STXBP5L: variants seen among roughly 807,000 people sequenced by gnomAD.
The protein encoded by STXBP5L is syntaxin-binding protein 5-like.
STXBP5L carries 65 observed loss-of-function variants against 144.5 expected under a neutral mutation model. That is an observed-to-expected ratio of 0.45 (90% confidence interval 0.37 to 0.55). STXBP5L has a LOEUF of 0.55. Among genes scored for constraint, STXBP5L ranks in the 20% least tolerant of loss-of-function variants. The probability of loss-of-function intolerance (pLI) is 0.00; values close to 1 mark genes in which losing one functional copy is unlikely to be tolerated. For missense variants in STXBP5L, 1,298 were observed against 1,405.5 expected (o/e 0.92, Z 1.22); for synonymous variants, 505 against 469.6 (o/e 1.08, Z -0.97).
chr3:121,034,441 G>A (rs1185748431), intron 3 of STXBP5L, among the ~76,000 whole-genome samples: 3 of 152,034 alleles, frequency 2.0e-5, no homozygotes, highest in South Asian at 2.1e-4. Context: ...TTCCATTTAT[G>A]TTGCTGCAAA....
At chr3:120,930,322 C>G (rs945838047) in intron 2 of STXBP5L, among the ~76,000 whole-genome samples, 2 of 151,722 alleles carry the variant, frequency 1.3e-5, no homozygotes, top group African/African-American at 4.8e-5. Flanking sequence ...GTTATTTAAT[C>G]ATAGTCCTAT....
intron 20 of STXBP5L, among the ~76,000 whole-genome samples, chr3:121,345,962 T>C (rs907333680): frequency 6.6e-6 from 1 of 152,032 alleles, no homozygotes; most frequent in African/African-American, 2.4e-5. Flanking sequence ...TTTTATTTTA[T>C]TATTATTATA....
chr3:121,063,357 C>T (rs546836612), intron 5 of STXBP5L, among the ~76,000 whole-genome samples: 11 of 152,142 alleles, frequency 7.2e-5, no homozygotes, highest in African/African-American at 2.7e-4. Flanking sequence ...CTGCCTGTTT[C>T]TTTTTCTGTA....
chr3:121,281,603 C>A (rs2051061190), intron 19 of STXBP5L, among the ~76,000 whole-genome samples: 1 of 151,960 alleles, frequency 6.6e-6, no homozygotes, highest in Non-Finnish European at 1.5e-5. Context: ...ATCTAAATCA[C>A]TTGCTGGATA....
intron 3 of STXBP5L, among the ~76,000 whole-genome samples, chr3:120,972,341 G>A (rs962266430): frequency 2.0e-5 from 3 of 151,922 alleles, no homozygotes; most frequent in South Asian, 2.1e-4. Context: ...TTGCAAATCC[G>A]ATTGAATTCT....
At chr3:120,968,830 T>C (rs1049083551) in intron 3 of STXBP5L, among the ~76,000 whole-genome samples, 5 of 152,186 alleles carry the variant, frequency 3.3e-5, no homozygotes, top group African/African-American at 9.6e-5. Flanking sequence ...TTACTTCACT[T>C]AGAATAATGG....
chr3:121,145,439 T>C (rs2045677934), intron 7 of STXBP5L, among the ~76,000 whole-genome samples: 1 of 151,900 alleles, frequency 6.6e-6, no homozygotes, highest in African/African-American at 2.4e-5. Flanking sequence ...GATCAGTCCT[T>C]CCACTGGGAG....
chr3:120,963,567 A>G (rs1939146098), intron 3 of STXBP5L, among the ~76,000 whole-genome samples: 2 of 152,128 alleles, frequency 1.3e-5, no homozygotes, highest in South Asian at 4.1e-4. Flanking sequence ...TATTTGATGG[A>G]TTATGTTTAT....
At chr3:120,991,473 A>C (rs1054079411) in intron 3 of STXBP5L, among the ~76,000 whole-genome samples, 1 of 152,198 alleles carries the variant, frequency 6.6e-6, no homozygotes, top group Non-Finnish European at 1.5e-5. Context: ...CAGCCATCCC[A>C]TTACTGGGTA....
intron 3 of STXBP5L, among the ~76,000 whole-genome samples, chr3:121,006,041 G>A (rs1235508157): frequency 6.6e-6 from 1 of 152,160 alleles, no homozygotes; most frequent in East Asian, 1.9e-4. Flanking sequence ...GATTTGGGGT[G>A]GAGAGTTCTG....
In STXBP5L at chr3:121,292,623, T is replaced by C. The variant is rs560156685; in HGVS notation, c.2110+12667T>C. Among the ~76,000 whole-genome samples the C allele has an allele frequency of 2.0e-5, 3 of 152,244 alleles. No homozygotes were observed. The East Asian group carries it at 5.8e-4, about 29-fold the overall frequency. ...ATAGCAGCACAATTCACAATTGCAA[T>C]AATATGGAACCAACCCAAATGGCCA... On this transcript the variant is annotated intron_variant, in intron 19 of 26. Coordinates refer to ENST00000471454, the MANE Select transcript of STXBP5L (RefSeq NM_001308330.2).
Position 121,324,610 on chromosome 3 carries a change from A to G in STXBP5L, c.2176+6070A>G, listed in dbSNP as rs2044084066. The G allele has an allele frequency of 2.8e-5, 19 of 666,910 alleles. No homozygotes were observed. In the East Asian group the frequency reaches 5.2e-4, roughly 18 times the overall value. 41.3% of individuals were successfully genotyped at this position (666,910 alleles called of 1,614,324 possible). On this transcript the variant is annotated intron_variant, in intron 20 of 26. Transcript: ENST00000471454. ...GGTGAAGATGAAAATCTCTTTATGA[A>G]CAAACAAAAGTTATTCATATCTTCA...
At chr3:121,353,906 A>G (rs192835177) in intron 20 of STXBP5L, among the ~76,000 whole-genome samples, 30 of 152,332 alleles carry the variant, frequency 2.0e-4, no homozygotes, top group Non-Finnish European at 3.7e-4. Context: ...GGTTTCAAAG[A>G]ACATCTTTAT....
At chr3:121,022,581 C>T (rs753617060) in intron 3 of STXBP5L, among the ~76,000 whole-genome samples, 6 of 152,146 alleles carry the variant, frequency 3.9e-5, no homozygotes, top group Non-Finnish European at 5.9e-5. Flanking sequence ...GGGTTTCATA[C>T]CAGGGATGCA....
intron 3 of STXBP5L, among the ~76,000 whole-genome samples, chr3:120,965,970 C>T (rs144795793): frequency 1.2e-3 from 180 of 152,184 alleles, no homozygotes; most frequent in African/African-American, 4.2e-3. Flanking sequence ...AGGCTTTGTT[C>T]GTTTCTTTTC....
intron 2 of STXBP5L, among the ~76,000 whole-genome samples, chr3:120,921,067 T>G (rs1709337315): frequency 6.6e-6 from 1 of 151,960 alleles, no homozygotes; most frequent in African/African-American, 2.4e-5. Flanking sequence ...TTTTCCTTAG[T>G]GGCTGTACTA....
At chr3:121,354,936 C>A (rs1367538807) in intron 20 of STXBP5L, among the ~76,000 whole-genome samples, 1 of 152,088 alleles carries the variant, frequency 6.6e-6, no homozygotes, top group Admixed American at 6.6e-5. Context: ...GATTTTATTT[C>A]TCCTTCAGTT....
At chr3:121,388,815 A>T (rs1243818758) in intron 22 of STXBP5L, among the ~76,000 whole-genome samples, 1 of 152,064 alleles carries the variant, frequency 6.6e-6, no homozygotes, top group Non-Finnish European at 1.5e-5. Context: ...GAGGATTTTC[A>T]CATCGATGTT....
At chr3:120,997,183 A>T (rs932122056) in intron 3 of STXBP5L, among the ~76,000 whole-genome samples, 3 of 152,076 alleles carry the variant, frequency 2.0e-5, no homozygotes. Flanking sequence ...CCTTTATCCC[A>T]TTCACCACTG....
Sources: allele counts gnomAD v4.1 joint callset (sites outside exome capture counted in the v4.1 genomes callset), GRCh38; gene constraint gnomAD v4.1.1; transcripts MANE v1.5; gene names NCBI Gene and HGNC (gene_info 2026-07-23, HGNC 2026-07-21).